The following DOCK11 variants were observed in gnomAD, a reference collection of about 807,000 sequenced individuals.
The protein encoded by DOCK11 is dedicator of cytokinesis 11.
In DOCK11, 70 loss-of-function variants were observed where a neutral mutation model predicts 169.1. That is an observed-to-expected ratio of 0.41 (90% CI 0.34 to 0.51). DOCK11 has a LOEUF of 0.51. Ranked by LOEUF, DOCK11 falls within the 20% of genes least tolerant of loss-of-function variation. The probability of loss-of-function intolerance (pLI) is 0.10; values close to 1 mark genes in which losing one functional copy is unlikely to be tolerated. For missense variants in DOCK11, 1,166 were observed against 1,538.8 expected (o/e 0.76, Z 4.05); for synonymous variants, 529 against 541.3 (o/e 0.98, Z 0.32).
chrX:118,512,397 T>A (rs1182483316), intron 1 of DOCK11, among the ~76,000 whole-genome samples: 1 of 111,998 alleles, frequency 8.9e-6, no homozygotes, highest in African/African-American at 3.2e-5. Context: ...CAGCCGTATA[T>A]TTTTAGATTC....
At chrX:118,509,983 G>C (rs2057639532) in intron 1 of DOCK11, among the ~76,000 whole-genome samples, 1 of 111,710 alleles carries the variant, frequency 9.0e-6, no homozygotes, top group Non-Finnish European at 1.9e-5. Context: ...TCTGACACCG[G>C]CTCTCTTGCC....
intron 41 of DOCK11, among the ~76,000 whole-genome samples, chrX:118,651,092 A>T (rs1425810960): frequency 1.8e-5 from 2 of 111,583 alleles, no homozygotes; most frequent in Non-Finnish European, 1.9e-5. Flanking sequence ...CCAGCCATTA[A>T]CATCTTAGTA....
chrX:118,496,098 C>A (rs1487155298), intron 1 of DOCK11, 25 bp downstream of exon 1: 15 of 966,655 alleles, frequency 1.6e-5, no homozygotes, highest in Non-Finnish European at 2.0e-5. Flanking sequence ...GACGGGGCAT[C>A]CCGGGGGACG....
intron 7 of DOCK11, among the ~76,000 whole-genome samples, chrX:118,562,220 G>A (rs377064041): frequency 1.5e-4 from 16 of 107,368 alleles, no homozygotes; most frequent in African/African-American, 5.1e-4. Context: ...CTTGATTGAT[G>A]GCATCTCCGT....
chrX:118,558,499 C>T (rs34584456), intron 6 of DOCK11, among the ~76,000 whole-genome samples: 3 of 111,594 alleles, frequency 2.7e-5, no homozygotes. Context: ...TAAACTTATA[C>T]CCTAAGTAGC....
chrX:118,597,908 G>A (rs186854013), intron 21 of DOCK11, 122 bp from the exon 22 acceptor site: 11 of 461,821 alleles, frequency 2.4e-5, no homozygotes, highest in African/African-American at 1.7e-4. Context: ...ATTTTCTCCA[G>A]TAATCTCTTG....
chrX:118,639,623 C>A, intron 38 of DOCK11, 46 bp downstream of exon 38: 1 of 1,155,603 alleles, frequency 8.7e-7, no homozygotes, highest in African/African-American at 1.8e-5. Context: ...TTAAAGAAGT[C>A]CTGGTTTAAA....
chrX:118,530,737 C>T (rs1294188456), intron 1 of DOCK11, among the ~76,000 whole-genome samples: 5 of 112,031 alleles, frequency 4.5e-5, no homozygotes, highest in African/African-American at 1.6e-4. Flanking sequence ...TCTGTATCCC[C>T]TACCCTAGCC....
Position 118,638,057 on chromosome X carries a change from CATGCT to C in DOCK11, c.3954-20_3954-16del. 1 of 1,164,109 alleles carries C rather than the reference CATGCT, an allele frequency of 8.6e-7. No individual in the cohort carries two copies. The highest frequency in any genetic ancestry group is 1.2e-6 in the Non-Finnish European group (1 of 854,894). ...GTAGAGGATGTTAATATATTACTAA[CATGCT>C]ATTGTTTTTCTTTCTAGAGTATGCT... On this transcript the variant is annotated intron_variant, in intron 36 of 52. Transcript: ENST00000276202.
At chrX:118,682,174 C>G (rs2016760271) in intron 51 of DOCK11, among the ~76,000 whole-genome samples, 1 of 110,521 alleles carries the variant, frequency 9.0e-6, no homozygotes, top group African/African-American at 3.3e-5. Context: ...ATTGCATAGG[C>G]TCACTCCAGT....
At chrX:118,544,378 T>G (rs1191038779) in intron 4 of DOCK11, among the ~76,000 whole-genome samples, 4 of 111,266 alleles carry the variant, frequency 3.6e-5, no homozygotes, top group Non-Finnish European at 7.5e-5. Context: ...CTTAACCTGT[T>G]TGAGCTCTCC....
chrX:118,635,716 T>C (rs888509574), intron 35 of DOCK11, among the ~76,000 whole-genome samples: 2 of 111,136 alleles, frequency 1.8e-5, no homozygotes, highest in African/African-American at 6.6e-5. Context: ...GCCTCCCGAG[T>C]AGCTGGGATT....
chrX:118,650,615 A>G (rs191916956), intron 41 of DOCK11, among the ~76,000 whole-genome samples: 6 of 111,836 alleles, frequency 5.4e-5, no homozygotes, highest in Non-Finnish European at 7.5e-5. Context: ...GTCAGCCATC[A>G]TTACACATTA....
chrX:118,571,941 T>A (rs1009466379), intron 10 of DOCK11, among the ~76,000 whole-genome samples: 2 of 110,993 alleles, frequency 1.8e-5, no homozygotes, highest in African/African-American at 3.3e-5. Flanking sequence ...GGCATGGGAG[T>A]GTCCTTGTTG....
chrX:118,661,887 G>T (rs763202771), intron 44 of DOCK11, among the ~76,000 whole-genome samples: 1 of 111,590 alleles, frequency 9.0e-6, no homozygotes, highest in African/African-American at 3.3e-5. Context: ...CAGGAGTCCA[G>T]CTGGCAGCCA....
intron 10 of DOCK11, chrX:118,569,515 C>T (rs1168505799): frequency 9.0e-6 from 1 of 111,170 alleles, no homozygotes; most frequent in African/African-American, 3.3e-5. Context: ...TTGGGCCAGC[C>T]ATTGTTGTTT....
intron 46 of DOCK11, among the ~76,000 whole-genome samples, chrX:118,672,386 A>C (rs2016497046): frequency 8.9e-6 from 1 of 112,610 alleles, no homozygotes; most frequent in Admixed American, 9.4e-5. Flanking sequence ...GATTCAAGCC[A>C]TTTTAAAAAA....
chrX:118,683,375 C>T, intron 52 of DOCK11, 158 bp downstream of exon 52: 1 of 595,746 alleles, frequency 1.7e-6, no homozygotes, highest in Non-Finnish European at 2.4e-6. Context: ...TGATACAATA[C>T]AAATCAAATT....
intron 41 of DOCK11, 92 bp downstream of exon 41, chrX:118,649,219 C>T: frequency 8.4e-6 from 6 of 712,972 alleles, no homozygotes; most frequent in Non-Finnish European, 9.9e-6. Flanking sequence ...CAGTCCAATA[C>T]AATGTGGCCA....
Sources: allele counts gnomAD v4.1 joint callset (sites outside exome capture counted in the v4.1 genomes callset), GRCh38; gene constraint gnomAD v4.1.1; transcripts MANE v1.5; gene names NCBI Gene and HGNC (gene_info 2026-07-23, HGNC 2026-07-21).